TSACC: variants seen among roughly 807,000 people sequenced by gnomAD.
TSACC encodes the protein TSSK6-activating co-chaperone protein.
In TSACC, 3 loss-of-function variants were observed where a neutral mutation model predicts 6.9. The ratio of observed to expected loss-of-function variants is 0.43; its 90% confidence interval spans 0.20 to 1.12. The LOEUF (loss-of-function observed/expected upper bound fraction) is 1.12. Among genes scored for constraint, TSACC ranks in the 50% most tolerant of loss-of-function variants. TSACC has a pLI of 0.28. For synonymous variants in TSACC, 54 were observed against 55.1 expected, an observed-to-expected ratio of 0.98 and a Z score of 0.09; for missense variants, 137 against 143.9, an observed-to-expected ratio of 0.95 and a Z score of 0.24.
chr1:156,337,528 G>C (rs73008701), upstream of TSACC: 1 of 169,216 alleles, frequency 5.9e-6, no homozygotes, highest in Non-Finnish European at 1.3e-5. Context: ...CGGAGGGAAC[G>C]ATTACATCTA....
chr1:156,345,372 G>A (rs1478602146), intron 3 of TSACC, among the ~76,000 whole-genome samples: 1 of 149,352 alleles, frequency 6.7e-6, no homozygotes, highest in Non-Finnish European at 1.5e-5. Context: ...AGACCAGCCT[G>A]ACCGACATGG....
upstream of TSACC, chr1:156,338,229 C>T: frequency 1.3e-6 from 2 of 1,562,904 alleles, no homozygotes; most frequent in Non-Finnish European, 1.7e-6. Flanking sequence ...GGGGAACCGG[C>T]AGAACCTTCT....
rs370250486 is a variant in TSACC at position 156,339,740 on chromosome 1, A to G, written c.-18A>G. The G allele has an allele frequency of 1.2e-5, 20 of 1,613,884 alleles. No homozygotes were observed. Among genetic ancestry groups the G allele is most frequent in the Non-Finnish European group, 1.7e-5 (20 of 1,179,962 alleles). Reference sequence around the variant, plus strand: ...ATGCTATGATTCTTTCCCAGGCACCACACCTGTTGGTGTTCAGATGGAGCG... The same window carrying G: ...ATGCTATGATTCTTTCCCAGGCACCGCACCTGTTGGTGTTCAGATGGAGCG... On this transcript the variant is annotated 5_prime_UTR_variant, in exon 2 of 4. Transcript: ENST00000368254.
chr1:156,338,496 G>C (rs918264454), upstream of TSACC: 11 of 520,570 alleles, frequency 2.1e-5, no homozygotes, highest in Admixed American at 3.7e-4. Flanking sequence ...CGTGCAGCGC[G>C]AACGTCGGCG....
chr1:156,339,837 T>A (rs375837892), intron 2 of TSACC, 46 bp downstream of exon 2: 91 of 1,604,812 alleles, frequency 5.7e-5, no homozygotes, highest in Non-Finnish European at 7.6e-5. Flanking sequence ...AAGCAAGACC[T>A]CCTTTGCATT....
intron 1 of TSACC, among the ~76,000 whole-genome samples, chr1:156,339,095 C>T (rs1665652151): frequency 6.6e-6 from 1 of 152,148 alleles, no homozygotes; most frequent in Non-Finnish European, 1.5e-5. Context: ...GAAACCCCGT[C>T]TCTACTAAAA....
chr1:156,338,030 A>C, upstream of TSACC: 1 of 1,081,328 alleles, frequency 9.2e-7, no homozygotes, highest in South Asian at 1.4e-5. Flanking sequence ...GGCTTCCAAA[A>C]TGAAGACGAT....
At chr1:156,337,522 G>C (rs1016780447), upstream of TSACC, 1 of 169,120 alleles carries the variant, frequency 5.9e-6, no homozygotes, top group African/African-American at 2.4e-5. Flanking sequence ...GGGACACGGA[G>C]GGAACGATTA....
At position 156,338,577 on chromosome 1, in the gene TSACC, G is replaced by T. The variant is rs891829767; in HGVS notation, c.-153G>T. On this transcript the variant is annotated 5_prime_UTR_variant, in exon 1 of 4. Transcript: ENST00000368254. The stretch of plus-strand genomic sequence containing the variant: ...TGTGTCAACTCTAGGGTTGGGTGCT[G>T]GGGTTGCGGCTTTCGGTTAACACCG... The T allele has an allele frequency of 2.6e-5, 8 of 304,922 alleles. No homozygotes were observed. The South Asian group carries it at 4.0e-4, about 15-fold the overall frequency. 18.9% of individuals were successfully genotyped at this position (304,922 alleles called of 1,614,324 possible).
intron 2 of TSACC, among the ~76,000 whole-genome samples, chr1:156,343,537 A>C (rs1314723728): frequency 2.0e-5 from 3 of 152,190 alleles, no homozygotes; most frequent in Admixed American, 6.5e-5. Flanking sequence ...AATTTCTTAG[A>C]CACAGAATCC....
intron 3 of TSACC, among the ~76,000 whole-genome samples, chr1:156,345,423 C>T (rs755492724): frequency 2.0e-5 from 3 of 151,634 alleles, no homozygotes; most frequent in Admixed American, 6.6e-5. Context: ...ATAAGCTGGG[C>T]GTGGTGGCAG....
In TSACC at chr1:156,338,565, G is replaced by C. The variant is rs1665582230; in HGVS notation, c.-165G>C. On this transcript the variant is annotated 5_prime_UTR_variant, in exon 1 of 4. Coordinates refer to ENST00000368254, the MANE Select transcript of TSACC (RefSeq NM_001304817.2). ...CCACTACGCATGTGTGTCAACTCTA[G>C]GGTTGGGTGCTGGGGTTGCGGCTTT... is the stretch of plus-strand genomic sequence containing the variant. The C allele has an allele frequency of 5.8e-6, 2 of 345,980 alleles. No individual in the cohort carries two copies. The highest frequency in any genetic ancestry group is 1.1e-5 in the Non-Finnish European group (2 of 184,616). The allele number at this position is 345,980 out of a possible 1,614,324, so 21.4% of individuals were successfully genotyped here.
Position 156,338,591 on chromosome 1 carries a change from C to G in TSACC, c.-139C>G, listed in dbSNP as rs17551765. On this transcript the variant is annotated 5_prime_UTR_variant, in exon 1 of 4. Coordinates refer to ENST00000368254, the MANE Select transcript of TSACC (RefSeq NM_001304817.2). The stretch of plus-strand genomic sequence containing the variant: ...GGTTGGGTGCTGGGGTTGCGGCTTT[C>G]GGTTAACACCGCAGGTGAGGTCGTT... 5.2e-5 allele frequency: 14 copies of G among 267,816 alleles called. No homozygotes were observed. Among genetic ancestry groups the G allele is most frequent in the Admixed American group, 9.9e-5 (2 of 20,280 alleles). The allele number at this position is 267,816 out of a possible 1,614,324, so 16.6% of individuals were successfully genotyped here.
intron 2 of TSACC, among the ~76,000 whole-genome samples, chr1:156,343,864 C>G (rs1438409134): frequency 6.6e-6 from 1 of 152,078 alleles, no homozygotes; most frequent in Admixed American, 6.6e-5. Flanking sequence ...CCTCAGCCTC[C>G]CAAGTAGCTG....
In TSACC at chr1:156,344,667, C is replaced by G. The variant is rs1389613459; in HGVS notation, c.122C>G (p.Pro41Arg). 5 of 1,613,986 alleles carry G rather than the reference C, an allele frequency of 3.1e-6. No individual in the cohort carries two copies. Among genetic ancestry groups the G allele is most frequent in the Non-Finnish European group, 4.2e-6 (5 of 1,180,016 alleles). Residue 41 changes from proline to arginine, a missense_variant, in exon 3 of 4, where the codon CCA (proline) becomes CGA (arginine). Physicochemically the swap from Pro to Arg is moderately radical, Grantham distance 103. Transcript: ENST00000368254. ...ATTAATCTTCAAGCAAGTTCCCCAC[C>G]AGCCACTTTTCTGAACATCCAGACA... ...SYINLQASSPPATFLNIQTTK... is the reference protein window; with the variant it reads ...SYINLQASSPRATFLNIQTTK...
rs766992666 is a variant in TSACC, at chr1:156,344,744, CAG to C, written c.163+37_163+38del. The C allele has an allele frequency of 3.7e-6, 6 of 1,607,306 alleles. No homozygotes were observed. The East Asian group carries it at 1.1e-4, about 30-fold the overall frequency. ...AGGGAGGGTTTTCTAATGGACTCAA[CAG>C]GGGGAAGGGTTGCATGGAGGAGGTG... is the stretch of plus-strand genomic sequence containing the variant. On this transcript the variant is annotated intron_variant, in intron 3 of 3. Coordinates refer to ENST00000368254, the MANE Select transcript of TSACC (RefSeq NM_001304817.2).
chr1:156,338,144 CA>C (rs777643349), upstream of TSACC: 11 of 1,584,180 alleles, frequency 6.9e-6, no homozygotes, highest in Non-Finnish European at 7.7e-6. Flanking sequence ...CTGGCATCCC[CA>C]GAACTCACTG....
At position 156,344,787 on chromosome 1, in the gene TSACC, T is replaced by C. The variant is rs148480297; in HGVS notation, c.163+79T>C. ...GGAGGAGGTGGCTTGAGCTGTCGCCTATTGATCAAGAGCCAAATCTATGTT... is the reference window on the plus strand; with the variant it reads ...GGAGGAGGTGGCTTGAGCTGTCGCCCATTGATCAAGAGCCAAATCTATGTT... On this transcript the variant is annotated intron_variant, in intron 3 of 3. Coordinates refer to ENST00000368254, the MANE Select transcript of TSACC (RefSeq NM_001304817.2). 879 of 1,533,810 alleles carry C rather than the reference T, an allele frequency of 5.7e-4. 5 individuals carry two copies. The African/African-American group carries it at 0.011, about 19-fold the overall frequency.
At chr1:156,338,281 C>T (rs980800584), upstream of TSACC, 12 of 1,258,662 alleles carry the variant, frequency 9.5e-6, no homozygotes, top group Admixed American at 9.9e-5. Context: ...ACGCTGCCTC[C>T]TCAGGGCTTA....
Sources: allele counts gnomAD v4.1 joint callset (sites outside exome capture counted in the v4.1 genomes callset), GRCh38; gene constraint gnomAD v4.1.1; transcripts MANE v1.5; gene names NCBI Gene and HGNC (gene_info 2026-07-23, HGNC 2026-07-21).